The following DOCK1 variants were observed in gnomAD, a reference collection of about 807,000 sequenced individuals.
DOCK1 encodes dedicator of cytokinesis 1.
In DOCK1, 138 loss-of-function variants were observed where a neutral mutation model predicts 262.7. The ratio of observed to expected loss-of-function variants is 0.53; its 90% CI spans 0.46 to 0.61. The LOEUF is 0.61. DOCK1 is among the 20% of genes least tolerant of loss of function. The pLI, the probability that DOCK1 is intolerant of heterozygous loss-of-function variation, is 0.00. For synonymous variants in DOCK1, 866 were observed against 867.4 expected (o/e 1.00, Z 0.03); for missense variants, 1,908 against 2,370.7 (o/e 0.80, Z 4.05).
At position 127,439,863 on chromosome 10, in the gene DOCK1, C is replaced by T. The variant is rs756224532; in HGVS notation, c.5259+638C>T. On this transcript the variant is annotated intron_variant, in intron 49 of 51. Coordinates refer to ENST00000623213, the MANE Select transcript of DOCK1 (RefSeq NM_001290223.2). ...GTCTCGTTCATTCCACAGTCGTGGGCGTGTGAGGGCGGTGAAACCCAGGAG... is the reference window on the plus strand; with the variant it reads ...GTCTCGTTCATTCCACAGTCGTGGGTGTGTGAGGGCGGTGAAACCCAGGAG... Among the ~76,000 whole-genome samples the T allele has an allele frequency of 4.6e-5, 7 of 152,126 alleles. 1 individual carries two copies. Among genetic ancestry groups the T allele is most frequent in the Admixed American group, 1.3e-4 (2 of 15,280 alleles).
intron 29 of DOCK1, among the ~76,000 whole-genome samples, chr10:127,282,264 C>G (rs1285447637): frequency 6.6e-6 from 1 of 152,118 alleles, no homozygotes; most frequent in African/African-American, 2.4e-5. Context: ...CTCTCTCTCT[C>G]TCTGTCTCTC....
intron 49 of DOCK1, among the ~76,000 whole-genome samples, chr10:127,442,373 A>G (rs2070224955): frequency 6.6e-6 from 1 of 151,928 alleles, no homozygotes. Flanking sequence ...AGAGCTGCCC[A>G]CTCACCTGCC....
intron 29 of DOCK1, among the ~76,000 whole-genome samples, chr10:127,298,968 A>G (rs1180427521): frequency 6.6e-6 from 1 of 152,146 alleles, no homozygotes; most frequent in Non-Finnish European, 1.5e-5. Flanking sequence ...GTCTATTGTA[A>G]GATAGATTGT....
rs1293975449 is a variant in DOCK1 at position 126,942,610 on chromosome 10, C to CGAGCCA, written c.47-28090_47-28085dup. On this transcript the variant is annotated intron_variant, in intron 1 of 51. Transcript: ENST00000623213. ...TGGAACGAGCCAGCCCCGAGGGAGC[C>CGAGCCA]GAGCCAGCCCCGAGGGAGCCGTCAT... Among the ~76,000 whole-genome samples the CGAGCCA allele has an allele frequency of 4.6e-5, 7 of 152,080 alleles. No individual in the cohort carries two copies. The South Asian group carries it at 8.3e-4, about 18-fold the overall frequency.
chr10:127,045,200 TAAA>T (rs71032534), intron 21 of DOCK1, among the ~76,000 whole-genome samples: 4 of 82,094 alleles, frequency 4.9e-5, no homozygotes, highest in African/African-American at 9.7e-5. Context: ...TCTGTCTCAA[TAAA>T]AAAAAAAAAA....
chr10:127,258,215 C>G (rs187725045), intron 29 of DOCK1, among the ~76,000 whole-genome samples: 2 of 152,220 alleles, frequency 1.3e-5, no homozygotes, highest in African/African-American at 4.8e-5. Context: ...TGGACTCCAC[C>G]ACCACCGTGA....
rs866924947 is a variant in DOCK1 at position 127,263,226 on chromosome 10, G to A, written c.3044+5797G>A. The stretch of plus-strand genomic sequence containing the variant: ...ATTTATCAATGTGTTTTATAAGAGC[G>A]AATCTTACTGTGCAGTCTAGAAAAA... On this transcript the variant is annotated intron_variant, in intron 29 of 51. Transcript: ENST00000623213. Among the ~76,000 whole-genome samples, 7 of 152,104 alleles carry A rather than the reference G, an allele frequency of 4.6e-5. No individual in the cohort carries two copies. In the East Asian group the frequency reaches 1.3e-3, roughly 29 times the overall value.
chr10:126,951,020 G>T (rs1177838622), intron 1 of DOCK1, among the ~76,000 whole-genome samples: 1 of 151,946 alleles, frequency 6.6e-6, no homozygotes, highest in Non-Finnish European at 1.5e-5. Flanking sequence ...GGTGAAGGTG[G>T]TAGTATTGTT....
chr10:127,380,953 G>A lies in DOCK1; in HGVS notation c.3717-325G>A, dbSNP rs180895116. ...TATTCTGATGGATTTGTATTTTTAC[G>A]GATTTTTTTGTGCATTTGGACTCAG... On this transcript the variant is annotated intron_variant, in intron 36 of 51. Transcript: ENST00000623213. Among the ~76,000 whole-genome samples the A allele has an allele frequency of 3.2e-3, 483 of 152,038 alleles. 3 individuals carry two copies. Among genetic ancestry groups the A allele is most frequent in the Admixed American group, 4.5e-3 (69 of 15,264 alleles).
intron 30 of DOCK1, among the ~76,000 whole-genome samples, chr10:127,342,666 A>G (rs967872183): frequency 6.6e-6 from 1 of 152,222 alleles, no homozygotes; most frequent in African/African-American, 2.4e-5. Context: ...CTTTATTTTT[A>G]TAGAACTCTT....
At chr10:127,157,194 G>T (rs919961565) in intron 27 of DOCK1, among the ~76,000 whole-genome samples, 1 of 152,354 alleles carries the variant, frequency 6.6e-6, no homozygotes, top group South Asian at 2.1e-4. Context: ...GACATTTTTA[G>T]TGAGACCTGG....
intron 26 of DOCK1, among the ~76,000 whole-genome samples, chr10:127,126,485 G>T (rs974453504): frequency 1.3e-5 from 2 of 152,208 alleles, no homozygotes; most frequent in Non-Finnish European, 2.9e-5. Flanking sequence ...AATCCCAGCG[G>T]TTTGGGAAGC....
intron 19 of DOCK1, 32 bp downstream of exon 19, chr10:127,037,848 C>CTT (rs56038046): frequency 5.0e-4 from 522 of 1,046,996 alleles, no homozygotes; most frequent in South Asian, 9.0e-4. Context: ...CTTTTTGGGT[C>CTT]TTTTTTTTTT....
chr10:127,033,541 T>G (rs1000542152), intron 18 of DOCK1, among the ~76,000 whole-genome samples: 1 of 152,228 alleles, frequency 6.6e-6, no homozygotes, highest in Non-Finnish European at 1.5e-5. Flanking sequence ...TTATGCTCTC[T>G]TGAAGCAGAG....
At chr10:127,241,120 C>A (rs142463439) in intron 27 of DOCK1, among the ~76,000 whole-genome samples, 4,901 of 152,176 alleles carry the variant, frequency 0.032, 231 homozygotes, top group African/African-American at 0.11. Context: ...ATCAGGAGTT[C>A]GAGATCAGCC....
At chr10:127,226,506 G>C (rs576272910) in intron 27 of DOCK1, among the ~76,000 whole-genome samples, 1 of 152,130 alleles carries the variant, frequency 6.6e-6, no homozygotes, top group Admixed American at 6.6e-5. Context: ...CACTTTGGGA[G>C]CCGAGGTGGA....
intron 29 of DOCK1, among the ~76,000 whole-genome samples, chr10:127,291,555 A>G (rs1021800488): frequency 1.3e-5 from 2 of 152,180 alleles, no homozygotes; most frequent in African/African-American, 4.8e-5. Context: ...GGTAATTGTC[A>G]TAGACAGTAG....
intron 27 of DOCK1, among the ~76,000 whole-genome samples, chr10:127,188,947 T>C (rs1315439475): frequency 6.6e-6 from 1 of 152,152 alleles, no homozygotes; most frequent in Non-Finnish European, 1.5e-5. Flanking sequence ...GAGGACAGCC[T>C]GGCCTGGAGC....
intron 27 of DOCK1, among the ~76,000 whole-genome samples, chr10:127,203,737 G>A (rs138533714): frequency 2.0e-4 from 30 of 150,968 alleles, no homozygotes; most frequent in South Asian, 6.3e-4. Flanking sequence ...GGATCTCCCC[G>A]TGTCCAATTC....
Sources: gnomAD v4.1 joint callset for allele counts (sites outside exome capture counted in the v4.1 genomes callset) on GRCh38, gnomAD v4.1.1 for gene constraint, MANE v1.5 for transcripts, NCBI Gene and HGNC (gene_info 2026-07-23, HGNC 2026-07-21) for gene names.